SEMA7A: variants seen among roughly 807,000 people sequenced by gnomAD.
SEMA7A encodes the protein semaphorin 7A (JohnMiltonHagen blood group).
SEMA7A carries 21 observed loss-of-function variants against 67.5 expected under a neutral mutation model. That is an observed-to-expected ratio of 0.31 (90% CI 0.22 to 0.45). The LOEUF (loss-of-function observed/expected upper bound fraction) is 0.45. Ranked by LOEUF, SEMA7A falls within the 20% of genes least tolerant of loss-of-function variation. The pLI is 1.00. For synonymous variants in SEMA7A, 364 were observed against 368.5 expected (o/e 0.99, Z 0.14); for missense variants, 774 against 908.6 (o/e 0.85, Z 1.90).
chr15:74,410,558 C>G lies in SEMA7A; in HGVS notation c.*66G>C. ...CAAGGAGCTCCCGGGCCAGCCGGCT[C>G]TGAGTGTGAGACGTTCTAGTGCCCT... is the stretch of plus-strand genomic sequence containing the variant. On this transcript the variant is annotated 3_prime_UTR_variant, in exon 14 of 14. Coordinates refer to ENST00000261918, the MANE Select transcript of SEMA7A (RefSeq NM_003612.5). The surrounding 1 kb of genome is among the most constrained non-coding windows in gnomAD (Gnocchi z 7.5). 1.3e-6 allele frequency: 2 copies of G among 1,515,704 alleles called. No homozygotes were observed. The highest frequency in any genetic ancestry group is 1.8e-6 in the Non-Finnish European group (2 of 1,132,352). 93.9% of individuals were successfully genotyped at this position (1,515,704 alleles called of 1,614,324 possible).
intron 2 of SEMA7A, among the ~76,000 whole-genome samples, chr15:74,418,525 T>C (rs1425878896): frequency 6.6e-6 from 1 of 152,162 alleles, no homozygotes; most frequent in Admixed American, 6.5e-5. Context: ...AGACCAGGCA[T>C]GGGCTCTGGG....
At chr15:74,430,183 A>T (rs927846445) in intron 1 of SEMA7A, among the ~76,000 whole-genome samples, 1 of 152,084 alleles carries the variant, frequency 6.6e-6, no homozygotes, top group Non-Finnish European at 1.5e-5. Flanking sequence ...CATGCTGATG[A>T]TCCATTTCCT....
rs1404172695 is a variant in SEMA7A, at chr15:74,410,256, G to A, written c.*368C>T. ...ACTCAGGCCTCAGCCCCAGGGTCGA[G>A]ATGGAGTCCCAGCTCTCCTATCCAA... is the stretch of plus-strand genomic sequence containing the variant. On this transcript the variant is annotated 3_prime_UTR_variant, in exon 14 of 14. Coordinates refer to ENST00000261918, the MANE Select transcript of SEMA7A (RefSeq NM_003612.5). The surrounding 1 kb of genome is among the most constrained non-coding windows in gnomAD (Gnocchi z 7.5). 3 of 221,058 alleles carry A rather than the reference G, an allele frequency of 1.4e-5. No homozygotes were observed. Among genetic ancestry groups the A allele is most frequent in the Non-Finnish European group, 2.7e-5 (3 of 113,128 alleles). The allele number at this position is 221,058 out of a possible 1,614,324, so 13.7% of individuals were successfully genotyped here.
Position 74,414,891 on chromosome 15 carries a change from T to C in SEMA7A, c.1042A>G (p.Thr348Ala), listed in dbSNP as rs1596189184. 2.5e-6 allele frequency: 4 copies of C among 1,613,756 alleles called. No homozygotes were observed. In the South Asian group the frequency reaches 3.3e-5, roughly 13 times the overall value. Residue 348 changes from threonine to alanine, a missense_variant, in exon 9 of 14, where the codon ACC becomes GCC. Transcript: ENST00000261918. This position sits in a 1 kb window ranked among gnomAD's most constrained non-coding sequence, Gnocchi z 4.1. Reference protein sequence around the residue: ...SLGDIDKVFRTSSLKGYHSSL... With the variant: ...SLGDIDKVFRASSLKGYHSSL... ...GAGTGGTAGCCCTTGAGTGAGGAGGTACGGAAGACCTTGTCAATGTCACCG... is the reference window on the plus strand; with the variant it reads ...GAGTGGTAGCCCTTGAGTGAGGAGGCACGGAAGACCTTGTCAATGTCACCG...
In SEMA7A at chr15:74,423,540, A is replaced by T. The variant is rs2061018039; in HGVS notation, c.179-4588T>A. ...GAGCCTCTGATTTGCAAAAAGCTGT[A>T]TATTCAGCCTCTCCCTACTTCCCTG... is the stretch of plus-strand genomic sequence containing the variant. On this transcript the variant is annotated intron_variant, in intron 1 of 13. Transcript: ENST00000261918. This position sits in a 1 kb window ranked among gnomAD's most constrained non-coding sequence, Gnocchi z 4.1. 6.6e-6 allele frequency among the ~76,000 whole-genome samples: 1 copy of T among 152,032 alleles called. No homozygotes were observed. Among genetic ancestry groups the T allele is most frequent in the South Asian group, 2.1e-4 (1 of 4,812 alleles).
Position 74,409,949 on chromosome 15 carries a change from C to A in SEMA7A, c.*675G>T, listed in dbSNP as rs1385747648. ...CAGCCCCTCCCTTTCCCACCCACCCCCCCGCATGTAGTTTTGGTATTTTCA... is the reference window on the plus strand; with the variant it reads ...CAGCCCCTCCCTTTCCCACCCACCCACCCGCATGTAGTTTTGGTATTTTCA... On this transcript the variant is annotated 3_prime_UTR_variant, in exon 14 of 14. Transcript: ENST00000261918. 1 of 142,492 alleles carries A rather than the reference C, an allele frequency of 7.0e-6. No individual in the cohort carries two copies. The highest frequency in any genetic ancestry group is 1.5e-5 in the Non-Finnish European group (1 of 65,070). The allele number at this position is 142,492 out of a possible 1,614,324, so 8.8% of individuals were successfully genotyped here.
chr15:74,417,500 T>C (rs1243880613), intron 5 of SEMA7A, 55 bp from the exon 6 acceptor site: 18 of 1,587,664 alleles, frequency 1.1e-5, no homozygotes, highest in Non-Finnish European at 1.5e-5. Context: ...TGGAAGTCCC[T>C]CCTCCGGACA....
At position 74,417,687 on chromosome 15, in the gene SEMA7A, C is replaced by A. The variant is rs1273774632; in HGVS notation, c.466-12G>T. The A allele has an allele frequency of 5.0e-6, 8 of 1,606,430 alleles. No homozygotes were observed. The highest frequency in any genetic ancestry group is 6.8e-6 in the Non-Finnish European group (8 of 1,176,660). ...ACAGTGCCATTCACCTGTGGGAGATCCAGAGGGTTGGATGGCCACATAATC... is the reference window on the plus strand; with the variant it reads ...ACAGTGCCATTCACCTGTGGGAGATACAGAGGGTTGGATGGCCACATAATC... On this transcript the variant is annotated splice_polypyrimidine_tract_variant and intron_variant, in intron 4 of 13. Coordinates refer to ENST00000261918, the MANE Select transcript of SEMA7A (RefSeq NM_003612.5).
chr15:74,410,436 C>T lies in SEMA7A; in HGVS notation c.*188G>A, dbSNP rs565553616. On this transcript the variant is annotated 3_prime_UTR_variant, in exon 14 of 14. Transcript: ENST00000261918. This position sits in a 1 kb window ranked among gnomAD's most constrained non-coding sequence, Gnocchi z 7.5. ...CCCTCATTCTCAGCCCCTCACCATCCGTGCGCCACCTGGGGCCCAGCAGCC... is the reference window on the plus strand; with the variant it reads ...CCCTCATTCTCAGCCCCTCACCATCTGTGCGCCACCTGGGGCCCAGCAGCC... 44 of 742,456 alleles carry T rather than the reference C, an allele frequency of 5.9e-5. No individual in the cohort carries two copies. The highest frequency in any genetic ancestry group is 8.4e-5 in the Non-Finnish European group (40 of 473,982). 46.0% of individuals were successfully genotyped at this position (742,456 alleles called of 1,614,324 possible).
intron 1 of SEMA7A, among the ~76,000 whole-genome samples, chr15:74,431,337 G>C (rs2061086944): frequency 6.6e-6 from 1 of 152,218 alleles, no homozygotes; most frequent in Non-Finnish European, 1.5e-5. Context: ...GCTACGCTGT[G>C]CCAGACTTTC....
chr15:74,417,278 C>A, intron 6 of SEMA7A, 57 bp downstream of exon 6: 2 of 1,355,902 alleles, frequency 1.5e-6, no homozygotes, highest in Non-Finnish European at 2.1e-6. Context: ...TCCCATCTGC[C>A]ACCTTAAGTG....
In SEMA7A at chr15:74,411,140, A is replaced by G. The variant is rs2060896265; in HGVS notation, c.1639+155T>C. On this transcript the variant is annotated intron_variant, in intron 13 of 13. Coordinates refer to ENST00000261918, the MANE Select transcript of SEMA7A (RefSeq NM_003612.5). The surrounding 1 kb of genome is among the most constrained non-coding windows in gnomAD (Gnocchi z 4.4). ...CCTCCTTTTTTCTCCCGTCTCGCTC[A>G]TCCCACCAAGAGGGCTCCCTCTGCA... The G allele has an allele frequency of 1.5e-6, 2 of 1,346,828 alleles. No homozygotes were observed. The highest frequency in any genetic ancestry group is 1.5e-5 in the African/African-American group (1 of 67,970). 83.4% of individuals were successfully genotyped at this position (1,346,828 alleles called of 1,614,324 possible).
intron 1 of SEMA7A, among the ~76,000 whole-genome samples, chr15:74,425,174 G>A (rs760209753): frequency 1.6e-4 from 25 of 152,226 alleles, no homozygotes; most frequent in Non-Finnish European, 3.1e-4. Flanking sequence ...CAGAGGAGGA[G>A]GAGGAAGATG....
intron 1 of SEMA7A, chr15:74,433,478 T>C (rs1479557018): frequency 2.0e-6 from 2 of 1,019,498 alleles, no homozygotes; most frequent in Admixed American, 4.7e-5. Context: ...TTGCGGCTCC[T>C]GGCTGCCAGG....
At chr15:74,419,934 A>G (rs2060985851) in intron 1 of SEMA7A, among the ~76,000 whole-genome samples, 1 of 152,160 alleles carries the variant, frequency 6.6e-6, no homozygotes, top group Non-Finnish European at 1.5e-5. Flanking sequence ...TGGTTGCAGG[A>G]GTAAATTATA....
Position 74,414,921 on chromosome 15 carries a change from A to T in SEMA7A, c.1012T>A (p.Ser338Thr), listed in dbSNP as rs1438098378. ...AAGACCTTGTCAATGTCACCGAGGG[A>T]ATACACACAGACGGCTGAGTAGTTC... ...PWNYSAVCVY[S>T]LGDIDKVFRT... Residue 338 changes from serine to threonine, a missense_variant, in exon 9 of 14, where the codon TCC (serine) becomes ACC (threonine). Ser to Thr is a moderately conservative substitution (Grantham distance 58). Transcript: ENST00000261918. The surrounding 1 kb of genome is among the most constrained non-coding windows in gnomAD (Gnocchi z 4.1). The T allele has an allele frequency of 6.2e-7, 1 of 1,613,980 alleles. No individual in the cohort carries two copies. Among genetic ancestry groups the T allele is most frequent in the Non-Finnish European group, 8.5e-7 (1 of 1,180,000 alleles).
At chr15:74,420,352 G>C (rs1395641759) in intron 1 of SEMA7A, among the ~76,000 whole-genome samples, 1 of 152,218 alleles carries the variant, frequency 6.6e-6, no homozygotes, top group Non-Finnish European at 1.5e-5. Context: ...GGTACCCTGG[G>C]AGACATGCCA....
intron 1 of SEMA7A, among the ~76,000 whole-genome samples, chr15:74,420,972 T>C (rs1596194784): frequency 6.6e-6 from 1 of 152,236 alleles, no homozygotes; most frequent in Non-Finnish European, 1.5e-5. Flanking sequence ...TCAGTCACCT[T>C]AGCCCCACTC....
At chr15:74,416,859 A>C in intron 6 of SEMA7A, 145 bp from the exon 7 acceptor site, 2 of 881,426 alleles carry the variant, frequency 2.3e-6, no homozygotes, top group South Asian at 1.7e-5. Context: ...ATCAGGTCCA[A>C]CTCCCCGAGG....
Sources: allele counts gnomAD v4.1 joint callset (sites outside exome capture counted in the v4.1 genomes callset), GRCh38; gene constraint gnomAD v4.1.1; non-coding constraint Gnocchi (gnomAD v3.1); transcripts MANE v1.5; gene names NCBI Gene and HGNC (gene_info 2026-07-23, HGNC 2026-07-21).